MFHAS1: variants seen among roughly 807,000 people sequenced by gnomAD.
MFHAS1 encodes the protein multifunctional ROCO family signaling regulator 1, also known as malignant fibrous histiocytoma-amplified sequence 1.
In MFHAS1, 50 loss-of-function variants were observed where a neutral mutation model predicts 70.4. The observed-to-expected ratio is 0.71, with a 90% CI of 0.57 to 0.90. The LOEUF (loss-of-function observed/expected upper bound fraction) is 0.90. Among genes scored for constraint, MFHAS1 ranks in the 40% least tolerant of loss-of-function variants. MFHAS1 has a pLI of 0.00. For missense variants in MFHAS1, 1,795 were observed against 1,347.6 expected (o/e 1.33, Z -5.20); for synonymous variants, 952 against 620.0 (o/e 1.54, Z -7.96).
intron 1 of MFHAS1, among the ~76,000 whole-genome samples, chr8:8,859,123 T>C (rs958614243): frequency 5.3e-5 from 8 of 152,174 alleles, no homozygotes; most frequent in African/African-American, 1.9e-4. Flanking sequence ...GAGGCTGAGA[T>C]GCAAGGATCA....
At position 8,890,590 on chromosome 8, in the gene MFHAS1, C is replaced by G; in HGVS notation, c.2469G>C (p.Leu823=). The G allele has an allele frequency of 6.2e-7, 1 of 1,613,802 alleles. No homozygotes were observed. The highest frequency in any genetic ancestry group is 8.5e-7 in the Non-Finnish European group (1 of 1,180,042). ...AQQDLQLLLE[L]LEKMGLCYCL... ...AGTAACAGAGTCCCATCTTCTCCAG[C>G]AGCTCCAGCAACAGCTGCAAGTCCT... The change falls in exon 1 of 3, where the codon CTG becomes CTC. Residue 823 remains leucine, a synonymous_variant. Transcript: ENST00000276282.
intron 2 of MFHAS1, among the ~76,000 whole-genome samples, chr8:8,794,185 T>C (rs1381310005): frequency 1.3e-5 from 2 of 151,574 alleles, no homozygotes; most frequent in African/African-American, 2.4e-5. Flanking sequence ...GTGAGACCCT[T>C]TGTCAAAAAA....
intron 1 of MFHAS1, among the ~76,000 whole-genome samples, chr8:8,889,280 G>A (rs547913602): frequency 1.3e-5 from 2 of 152,082 alleles, no homozygotes; most frequent in Non-Finnish European, 2.9e-5. Flanking sequence ...CCGAGGAAAC[G>A]CCCCTCAAAG....
intron 1 of MFHAS1, among the ~76,000 whole-genome samples, chr8:8,844,938 G>C (rs1807973055): frequency 1.3e-5 from 2 of 152,176 alleles, no homozygotes; most frequent in Admixed American, 1.3e-4. Flanking sequence ...GCATGACAAA[G>C]CAATCCTTGG....
At chr8:8,888,631 G>C (rs1161523418) in intron 1 of MFHAS1, among the ~76,000 whole-genome samples, 1 of 152,044 alleles carries the variant, frequency 6.6e-6, no homozygotes. Flanking sequence ...AGGCTCAAAA[G>C]AAAAAAATCC....
At chr8:8,833,037 G>C (rs971970021) in intron 1 of MFHAS1, among the ~76,000 whole-genome samples, 3 of 152,126 alleles carry the variant, frequency 2.0e-5, no homozygotes, top group Non-Finnish European at 2.9e-5. Context: ...TCATCACAGA[G>C]GGCAACGGGG....
At chr8:8,809,451 C>A (rs1330173738) in intron 1 of MFHAS1, among the ~76,000 whole-genome samples, 8 of 152,128 alleles carry the variant, frequency 5.3e-5, no homozygotes, top group Non-Finnish European at 1.0e-4. Context: ...CAAGGACTTA[C>A]ACCATCCTCT....
rs531810811 is a variant in MFHAS1 at position 8,811,948 on chromosome 8, C to T, written c.2999-14457G>A. Among the ~76,000 whole-genome samples the T allele has an allele frequency of 2.6e-5, 4 of 152,264 alleles. No individual in the cohort carries two copies. In the East Asian group the frequency reaches 7.7e-4, roughly 29 times the overall value. On this transcript the variant is annotated intron_variant, in intron 1 of 2. Coordinates refer to ENST00000276282, the MANE Select transcript of MFHAS1 (RefSeq NM_004225.3). ...TAGGAAGCTTCCAGACTTCCCTGGG[C>T]AGTACTACCTTCTCCGCATGCCATC... is the stretch of plus-strand genomic sequence containing the variant.
chr8:8,849,703 T>A (rs145743271), intron 1 of MFHAS1, among the ~76,000 whole-genome samples: 54 of 152,286 alleles, frequency 3.5e-4, no homozygotes, highest in African/African-American at 1.3e-3. Context: ...AAACTATGCT[T>A]TTGTATAAAT....
intron 1 of MFHAS1, among the ~76,000 whole-genome samples, chr8:8,802,625 G>C (rs893393326): frequency 1.3e-5 from 2 of 152,176 alleles, no homozygotes; most frequent in African/African-American, 2.4e-5. Context: ...AGGAATGAAG[G>C]GTAGGGTATG....
At chr8:8,844,236 A>G (rs906545716) in intron 1 of MFHAS1, among the ~76,000 whole-genome samples, 1 of 152,234 alleles carries the variant, frequency 6.6e-6, no homozygotes, top group Non-Finnish European at 1.5e-5. Flanking sequence ...GTCCTTCCAT[A>G]GGAGCCCTAA....
intron 1 of MFHAS1, among the ~76,000 whole-genome samples, chr8:8,818,169 G>A (rs1441526390): frequency 6.6e-6 from 1 of 151,238 alleles, no homozygotes; most frequent in Admixed American, 6.6e-5. Context: ...CATACTTCGG[G>A]GCTGGCTCTT....
rs570199760 is a variant in MFHAS1 at position 8,890,833 on chromosome 8, C to T, written c.2226G>A (p.Gln742=). ...RLIDILNVFF[Q]RDPSLLLHKL... ...TATGCAGCAGCAAAGAGGGATCCCT[C>T]TGGAAGAAGACATTGAGGATGTCGA... Residue 742 remains glutamine (Q), a synonymous_variant, in exon 1 of 3, where the codon CAG becomes CAA. Coordinates refer to ENST00000276282, the MANE Select transcript of MFHAS1 (RefSeq NM_004225.3). The T allele has an allele frequency of 1.8e-5, 29 of 1,614,216 alleles. No individual in the cohort carries two copies. Among genetic ancestry groups the T allele is most frequent in the Middle Eastern group, 3.3e-4 (2 of 6,062 alleles).
chr8:8,825,887 T>C (rs553148577), intron 1 of MFHAS1, among the ~76,000 whole-genome samples: 4 of 152,282 alleles, frequency 2.6e-5, no homozygotes, highest in African/African-American at 7.2e-5. Flanking sequence ...CTCCTGGAGA[T>C]TGTGTAATTA....
chr8:8,878,052 A>G (rs530257561), intron 1 of MFHAS1, among the ~76,000 whole-genome samples: 1 of 152,106 alleles, frequency 6.6e-6, no homozygotes, highest in African/African-American at 2.4e-5. Flanking sequence ...CTGACACTCA[A>G]CTACAGTGTG....
intron 1 of MFHAS1, among the ~76,000 whole-genome samples, chr8:8,814,521 A>G (rs573501843): frequency 6.6e-6 from 1 of 152,224 alleles, no homozygotes; most frequent in Non-Finnish European, 1.5e-5. Context: ...AATGACTGCA[A>G]TTTCTTTATT....
At chr8:8,869,817 T>C (rs1226131522) in intron 1 of MFHAS1, among the ~76,000 whole-genome samples, 1 of 152,160 alleles carries the variant, frequency 6.6e-6, no homozygotes, top group Non-Finnish European at 1.5e-5. Flanking sequence ...GTTCAAGAGC[T>C]CAGAGCTAGG....
In MFHAS1 at chr8:8,833,858, C is replaced by T. The variant is rs536779312; in HGVS notation, c.2999-36367G>A. On this transcript the variant is annotated intron_variant, in intron 1 of 2. Coordinates refer to ENST00000276282, the MANE Select transcript of MFHAS1 (RefSeq NM_004225.3). ...CTTCCTAAAATGGAATACTACTCAA[C>T]AACAAAAAGAAACAGCCTACACTTT... is the stretch of plus-strand genomic sequence containing the variant. Among the ~76,000 whole-genome samples the T allele has an allele frequency of 2.0e-5, 3 of 152,076 alleles. No individual in the cohort carries two copies. In the East Asian group the frequency reaches 5.8e-4, roughly 29 times the overall value.
chr8:8,829,710 T>G (rs1186240535), intron 1 of MFHAS1, among the ~76,000 whole-genome samples: 1 of 152,018 alleles, frequency 6.6e-6, no homozygotes. Flanking sequence ...TGCGAGATCT[T>G]TGAGAAAGGA....
Sources: allele counts gnomAD v4.1 joint callset (sites outside exome capture counted in the v4.1 genomes callset), GRCh38; gene constraint gnomAD v4.1.1; transcripts MANE v1.5; gene names NCBI Gene and HGNC (gene_info 2026-07-23, HGNC 2026-07-21).